The following KCNIP4 variants were observed in gnomAD, a reference collection of about 807,000 sequenced individuals.
The protein encoded by KCNIP4 is Kv channel-interacting protein 4.
A neutral mutation model predicts 34.0 loss-of-function variants in KCNIP4; 12 were observed. That is an observed-to-expected ratio of 0.35 (90% CI 0.23 to 0.57). KCNIP4 has a LOEUF of 0.57. Among genes scored for constraint, KCNIP4 ranks in the 20% least tolerant of loss-of-function variants. KCNIP4 has a pLI of 0.83. For missense variants in KCNIP4, 238 were observed against 311.7 expected, an observed-to-expected ratio of 0.76 and a Z score of 1.78; for synonymous variants, 124 against 102.2, an observed-to-expected ratio of 1.21 and a Z score of -1.29.
chr4:20,797,193 C>G (rs922509418), intron 3 of KCNIP4, among the ~76,000 whole-genome samples: 1 of 152,180 alleles, frequency 6.6e-6, no homozygotes, highest in African/African-American at 2.4e-5. Context: ...TAGGATTTTT[C>G]TATCTGCTAT....
chr4:21,868,910 T>C (rs774111193), intron 1 of KCNIP4, among the ~76,000 whole-genome samples: 1 of 152,222 alleles, frequency 6.6e-6, no homozygotes, highest in Non-Finnish European at 1.5e-5. Flanking sequence ...AAGGTGTTTA[T>C]AAAATAGGCT....
At chr4:21,048,944 C>CTTTTTTTTTTTTTT (rs949548104) in intron 1 of KCNIP4, among the ~76,000 whole-genome samples, 2 of 96,050 alleles carry the variant, frequency 2.1e-5, no homozygotes, top group African/African-American at 4.2e-5. Context: ...TTCTGTTTAT[C>CTTTTTTTTTTTTTT]TTTTTTTTTT....
intron 1 of KCNIP4, among the ~76,000 whole-genome samples, chr4:21,825,468 T>A (rs1012436160): frequency 6.6e-6 from 1 of 152,144 alleles, no homozygotes. Flanking sequence ...TCCATCATAA[T>A]GCTTGTGTAA....
At chr4:21,057,012 A>G (rs1390645420) in intron 1 of KCNIP4, among the ~76,000 whole-genome samples, 2 of 152,182 alleles carry the variant, frequency 1.3e-5, no homozygotes, top group African/African-American at 4.8e-5. Flanking sequence ...ATAAGTTATA[A>G]CATATTAACA....
chr4:21,213,422 C>T (rs11726043), intron 1 of KCNIP4, among the ~76,000 whole-genome samples: 1 of 152,126 alleles, frequency 6.6e-6, no homozygotes, highest in Non-Finnish European at 1.5e-5. Flanking sequence ...CTGCCTCAGC[C>T]TTCCAAGTAG....
intron 1 of KCNIP4, among the ~76,000 whole-genome samples, chr4:20,964,919 C>T (rs915390494): frequency 7.2e-5 from 11 of 152,176 alleles, no homozygotes; most frequent in African/African-American, 2.2e-4. Flanking sequence ...TTAGGAGGCA[C>T]ATTAAACAAA....
intron 1 of KCNIP4, among the ~76,000 whole-genome samples, chr4:21,035,224 T>A (rs899226444): frequency 6.6e-6 from 1 of 152,224 alleles, no homozygotes; most frequent in Non-Finnish European, 1.5e-5. Context: ...TTGCCTTTGA[T>A]GATTTTGTCA....
intron 1 of KCNIP4, among the ~76,000 whole-genome samples, chr4:21,364,507 A>T (rs1316895599): frequency 6.6e-6 from 1 of 152,156 alleles, no homozygotes. Context: ...CATGTGTTGG[A>T]TGAAAAAAAG....
At chr4:21,024,215 C>T (rs1740332292) in intron 1 of KCNIP4, among the ~76,000 whole-genome samples, 1 of 152,122 alleles carries the variant, frequency 6.6e-6, no homozygotes, top group South Asian at 2.1e-4. Context: ...TAAAGTAATG[C>T]TTTTTCCCTT....
At chr4:21,179,295 T>C (rs1390330283) in intron 1 of KCNIP4, among the ~76,000 whole-genome samples, 1 of 152,220 alleles carries the variant, frequency 6.6e-6, no homozygotes, top group Non-Finnish European at 1.5e-5. Context: ...TTCTGCTCAC[T>C]CTGGTTCATT....
chr4:20,945,127 G>A (rs1227090513), intron 1 of KCNIP4, among the ~76,000 whole-genome samples: 1 of 152,184 alleles, frequency 6.6e-6, no homozygotes. Context: ...TGAACCAGCA[G>A]CTTGGACATC....
intron 1 of KCNIP4, among the ~76,000 whole-genome samples, chr4:21,591,190 T>A (rs901076062): frequency 2.6e-5 from 4 of 152,042 alleles, no homozygotes; most frequent in African/African-American, 9.6e-5. Context: ...ATAGGTGTCA[T>A]AAAAAACAAG....
At position 21,874,490 on chromosome 4, in the gene KCNIP4, G is replaced by A. The variant is rs146015517; in HGVS notation, c.61+74081C>T. Among the ~76,000 whole-genome samples, 1,316 of 152,288 alleles carry A rather than the reference G, an allele frequency of 8.6e-3. 15 individuals are homozygous for A. The highest frequency in any genetic ancestry group is 0.031 in the South Asian group (152 of 4,832). On this transcript the variant is annotated intron_variant, in intron 1 of 8. Coordinates refer to ENST00000382152, the MANE Select transcript of KCNIP4 (RefSeq NM_025221.6). ...TGTTCTCTGGGATCTGACCCACAGAGGGAGAGAGAATGGCTGTGCTCCTTT... is the reference window on the plus strand; with the variant it reads ...TGTTCTCTGGGATCTGACCCACAGAAGGAGAGAGAATGGCTGTGCTCCTTT...
chr4:21,814,767 T>G (rs1435670309), intron 1 of KCNIP4, among the ~76,000 whole-genome samples: 1 of 152,126 alleles, frequency 6.6e-6, no homozygotes, highest in African/African-American at 2.4e-5. Flanking sequence ...GTTCACTACC[T>G]TCAGACTAAG....
In KCNIP4 at chr4:20,985,012, G is replaced by C. The variant is rs955543382; in HGVS notation, c.62-102303C>G. Reference sequence around the variant, plus strand: ...GTCCAAACCACTCCAAACAGACCCTGTTCTGTGCCAGGACCACACTGGCTG... The same window carrying C: ...GTCCAAACCACTCCAAACAGACCCTCTTCTGTGCCAGGACCACACTGGCTG... On this transcript the variant is annotated intron_variant, in intron 1 of 8. Coordinates refer to ENST00000382152, the MANE Select transcript of KCNIP4 (RefSeq NM_025221.6). 6.6e-5 allele frequency among the ~76,000 whole-genome samples: 10 copies of C among 152,278 alleles called. No individual in the cohort carries two copies. In the South Asian group the frequency reaches 1.5e-3, roughly 22 times the overall value.
chr4:20,799,871 T>C (rs113745215), intron 3 of KCNIP4, among the ~76,000 whole-genome samples: 1 of 152,224 alleles, frequency 6.6e-6, no homozygotes, highest in African/African-American at 2.4e-5. Context: ...ACCAGTGCTG[T>C]ACCCTGTTTC....
chr4:21,065,439 T>G (rs1744268604), intron 1 of KCNIP4, among the ~76,000 whole-genome samples: 1 of 152,078 alleles, frequency 6.6e-6, no homozygotes, highest in African/African-American at 2.4e-5. Context: ...CTACAATTGG[T>G]TTGATTTACA....
chr4:20,973,774 C>T (rs377666671), intron 1 of KCNIP4, among the ~76,000 whole-genome samples: 1 of 152,026 alleles, frequency 6.6e-6, no homozygotes, highest in African/African-American at 2.4e-5. Flanking sequence ...GGGAATAGGC[C>T]GGCCCTGTGG....
At chr4:21,499,346 A>C (rs1017763799) in intron 1 of KCNIP4, among the ~76,000 whole-genome samples, 12 of 148,748 alleles carry the variant, frequency 8.1e-5, no homozygotes, top group African/African-American at 2.3e-4. Context: ...AAAAAAAAAA[A>C]CAACTACATA....
Sources: gnomAD v4.1 joint callset for allele counts (sites outside exome capture counted in the v4.1 genomes callset) on GRCh38, gnomAD v4.1.1 for gene constraint, MANE v1.5 for transcripts, NCBI Gene and HGNC (gene_info 2026-07-23, HGNC 2026-07-21) for gene names.